Variants in UCK2 observed in about 807,000 individuals in gnomAD.
UCK2 encodes cytidine monophosphokinase 2.
Under a neutral mutation model 30.8 loss-of-function variants are expected in UCK2, and 6 were observed. The ratio of observed to expected loss-of-function variants is 0.19; its 90% CI spans 0.11 to 0.38. The LOEUF (loss-of-function observed/expected upper bound fraction) is 0.38, where lower values mean the gene tolerates loss of function less well. Ranked by LOEUF, UCK2 falls within the 10% of genes least tolerant of loss-of-function variation. The pLI, the probability that UCK2 is intolerant of heterozygous loss-of-function variation, is 1.00. For missense variants in UCK2, 210 were observed against 339.8 expected (o/e 0.62, Z 3.00); for synonymous variants, 125 against 133.6 (o/e 0.94, Z 0.45).
chr1:165,844,544 G>A (rs1024024117), intron 1 of UCK2, among the ~76,000 whole-genome samples: 3 of 152,102 alleles, frequency 2.0e-5, no homozygotes, highest in Admixed American at 6.5e-5. Context: ...CAGGTGATAG[G>A]AGCATCTTTT....
chr1:165,851,513 G>T (rs1422912459), intron 1 of UCK2, among the ~76,000 whole-genome samples: 1 of 152,074 alleles, frequency 6.6e-6, no homozygotes, highest in African/African-American at 2.4e-5. Context: ...AGTCAAGCTG[G>T]TAAAGCTACT....
In UCK2 at chr1:165,889,669, C is replaced by T. The variant is rs74902333; in HGVS notation, c.100-535C>T. 9.0e-3 allele frequency among the ~76,000 whole-genome samples: 1,306 copies of T among 145,606 alleles called. 16 individuals carry two copies. Among genetic ancestry groups the T allele is most frequent in the African/African-American group, 0.032 (1,249 of 39,480 alleles). On this transcript the variant is annotated intron_variant, in intron 1 of 6. Coordinates refer to ENST00000367879, the MANE Select transcript of UCK2 (RefSeq NM_012474.5). Reference sequence around the variant, plus strand: ...ACTTCTCTGTCACAGGCGTGTAAGGCGGACTCTTCTCCGTTAGCCTTTTTT... The same window carrying T: ...ACTTCTCTGTCACAGGCGTGTAAGGTGGACTCTTCTCCGTTAGCCTTTTTT...
intron 1 of UCK2, among the ~76,000 whole-genome samples, chr1:165,842,733 C>T (rs558135053): frequency 7.2e-5 from 11 of 152,308 alleles, no homozygotes; most frequent in African/African-American, 2.2e-4. Flanking sequence ...AATGCAACTC[C>T]GATGTTGCCT....
chr1:165,873,170 C>T (rs1329910176), intron 1 of UCK2, among the ~76,000 whole-genome samples: 1 of 152,150 alleles, frequency 6.6e-6, no homozygotes, highest in Non-Finnish European at 1.5e-5. Context: ...TAGGTTGCCA[C>T]AATTTAATAA....
chr1:165,852,926 A>G (rs1048814913), intron 1 of UCK2, among the ~76,000 whole-genome samples: 1 of 152,244 alleles, frequency 6.6e-6, no homozygotes, highest in African/African-American at 2.4e-5. Flanking sequence ...TAAATATCAA[A>G]GAGTGATCTT....
intron 5 of UCK2, 40 bp from the exon 6 acceptor site, chr1:165,905,881 C>T (rs369390088): frequency 3.7e-6 from 6 of 1,604,256 alleles, no homozygotes; most frequent in African/African-American, 1.3e-5. Flanking sequence ...CCAGTTGTCT[C>T]TTAACTGTAT....
chr1:165,880,699 T>C (rs1655472490), intron 1 of UCK2, among the ~76,000 whole-genome samples: 1 of 151,920 alleles, frequency 6.6e-6, no homozygotes, highest in Non-Finnish European at 1.5e-5. Context: ...AAGACTGAAA[T>C]TAATCACTAT....
intron 1 of UCK2, among the ~76,000 whole-genome samples, chr1:165,835,148 T>C: frequency 6.6e-6 from 1 of 152,114 alleles, no homozygotes; most frequent in Non-Finnish European, 1.5e-5. Flanking sequence ...ATGAGCACTG[T>C]CTTTGCCCTT....
chr1:165,833,946 A>G (rs903502408), intron 1 of UCK2, among the ~76,000 whole-genome samples: 2 of 152,156 alleles, frequency 1.3e-5, no homozygotes, highest in Non-Finnish European at 2.9e-5. Flanking sequence ...CCCATATATA[A>G]TTATGACATA....
intron 1 of UCK2, among the ~76,000 whole-genome samples, chr1:165,850,104 C>A (rs563937238): frequency 6.6e-6 from 1 of 152,092 alleles, no homozygotes. Context: ...ATTAAACAGC[C>A]TTTGTTCATT....
chr1:165,907,696 TCATCGTGCAGCA>T lies in UCK2; in HGVS notation c.664_675del (p.Val222_Ile225del). The stretch of plus-strand genomic sequence containing the variant: ...CTCTGCCCCACAGTGGCCATCAACC[TCATCGTGCAGCA>T]CATCCAGGACATCCTGAATGGAGGG... On this transcript the variant is annotated inframe_deletion, in exon 7 of 7. Coordinates refer to ENST00000367879, the MANE Select transcript of UCK2 (RefSeq NM_012474.5). The T allele has an allele frequency of 6.2e-7, 1 of 1,614,050 alleles. No individual in the cohort carries two copies. Among genetic ancestry groups the T allele is most frequent in the Non-Finnish European group, 8.5e-7 (1 of 1,180,006 alleles).
chr1:165,827,906 G>A lies in UCK2; in HGVS notation c.73G>A (p.Val25Ile). 6.9e-7 allele frequency: 1 copy of A among 1,458,236 alleles called. No individual in the cohort carries two copies. Among genetic ancestry groups the A allele is most frequent in the Non-Finnish European group, 9.1e-7 (1 of 1,096,500 alleles). The allele number at this position is 1,458,236 out of a possible 1,614,324, so 90.3% of individuals were successfully genotyped here. ...PNGGEPFLIG[V>I]SGGTASGKSS... ...CGGCGGCGAGCCCTTCCTTATAGGC[G>A]TCAGCGGGGGAACAGCTAGCGGCAA... The change falls in exon 1 of 7, where the codon GTC (valine) becomes ATC (isoleucine). Residue 25 changes from valine to isoleucine, a missense_variant. Coordinates refer to ENST00000367879, the MANE Select transcript of UCK2 (RefSeq NM_012474.5).
rs370882127 is a variant in UCK2, at chr1:165,842,256, T to TC, written c.99+14324_99+14325insC. ...GAATCCCCTTCTTGATTCCCTGTTT[T>TC]TTCCCCCTCCATGTTCTGTATTCTC... is the stretch of plus-strand genomic sequence containing the variant. On this transcript the variant is annotated intron_variant, in intron 1 of 6. Transcript: ENST00000367879. 5.4e-4 allele frequency among the ~76,000 whole-genome samples: 83 copies of TC among 152,308 alleles called. No homozygotes were observed. The South Asian group carries it at 7.5e-3, about 14-fold the overall frequency.
intron 1 of UCK2, among the ~76,000 whole-genome samples, chr1:165,866,903 G>T (rs1296287064): frequency 6.6e-5 from 10 of 152,136 alleles, no homozygotes; most frequent in African/African-American, 2.4e-4. Flanking sequence ...TAGGCACTGG[G>T]TTACTTTCAC....
At chr1:165,848,264 GT>G (rs1025101372) in intron 1 of UCK2, among the ~76,000 whole-genome samples, 58 of 152,312 alleles carry the variant, frequency 3.8e-4, no homozygotes, top group African/African-American at 1.3e-3. Context: ...CAGATGCTCA[GT>G]TTTACCTTAC....
chr1:165,887,073 T>A (rs1655633869), intron 1 of UCK2, among the ~76,000 whole-genome samples: 1 of 152,230 alleles, frequency 6.6e-6, no homozygotes, highest in Non-Finnish European at 1.5e-5. Flanking sequence ...CAGGACTCTA[T>A]GAAACCACAT....
intron 1 of UCK2, among the ~76,000 whole-genome samples, chr1:165,829,126 A>G (rs918342374): frequency 6.6e-6 from 1 of 152,190 alleles, no homozygotes; most frequent in Middle Eastern, 3.2e-3. Context: ...CAAGGAGCCC[A>G]GCCAGACACG....
intron 1 of UCK2, among the ~76,000 whole-genome samples, chr1:165,848,112 A>T (rs1235765003): frequency 1.3e-5 from 2 of 152,266 alleles, no homozygotes; most frequent in African/African-American, 4.8e-5. Context: ...CATAATGATC[A>T]TATGAACATT....
rs1189918320 is a variant in UCK2, at chr1:165,870,195, A to G, written c.100-20009A>G. 6.6e-5 allele frequency among the ~76,000 whole-genome samples: 8 copies of G among 120,786 alleles called. 1 individual carries two copies. The South Asian group carries it at 2.3e-3, about 34-fold the overall frequency. 79.2% of individuals were successfully genotyped at this position (120,786 alleles called of 152,430 possible). A position where few individuals can be genotyped will look rare whatever the true frequency, so the allele number is the denominator to read the frequency against. The stretch of plus-strand genomic sequence containing the variant: ...TATGGTGTAAAGTAAGGAAAGGTCT[A>G]ACTTCATTTTTTTTTTTTTTTTTTT... On this transcript the variant is annotated intron_variant, in intron 1 of 6. Coordinates refer to ENST00000367879, the MANE Select transcript of UCK2 (RefSeq NM_012474.5).
Sources: gnomAD v4.1 joint callset for allele counts (sites outside exome capture counted in the v4.1 genomes callset) on GRCh38, gnomAD v4.1.1 for gene constraint, MANE v1.5 for transcripts, NCBI Gene and HGNC (gene_info 2026-07-23, HGNC 2026-07-21) for gene names.